SEC31A: variants seen among roughly 807,000 people sequenced by gnomAD.
SEC31A encodes the protein protein transport protein Sec31A.
SEC31A carries 70 observed loss-of-function variants against 151.0 expected under a neutral mutation model. That is an observed-to-expected ratio of 0.46 (90% CI 0.38 to 0.57). The LOEUF is 0.57. Ranked by LOEUF, SEC31A falls within the 20% of genes least tolerant of loss-of-function variation. The pLI, the probability that SEC31A is intolerant of heterozygous loss-of-function variation, is 0.00. For missense variants in SEC31A, 1,330 were observed against 1,471.2 expected, an observed-to-expected ratio of 0.90 and a Z score of 1.57; for synonymous variants, 475 against 505.9, an observed-to-expected ratio of 0.94 and a Z score of 0.82.
chr4:82,860,476 T>C (rs1030597359), intron 14 of SEC31A, among the ~76,000 whole-genome samples: 4 of 152,040 alleles, frequency 2.6e-5, no homozygotes, highest in Admixed American at 6.6e-5. Context: ...TCAAAATTAG[T>C]TCTTTTCTTT....
rs1012061457 is a variant in SEC31A at position 82,866,891 on chromosome 4, G to C, written c.1114C>G (p.Gln372Glu). The part of the protein sequence containing the change: ...GQPLPPLQIP[Q>E]QTAQHSIVLP... ...ACTATACTATGCTGAGCAGTCTGCT[G>C]TGGAATTTGTAACGGAGGAAGGGGC... Residue 372 changes from glutamine to glutamate, a missense_variant, in exon 10 of 27, where the codon CAG (glutamine) becomes GAG (glutamate). Transcript: ENST00000395310. 11 of 1,614,050 alleles carry C rather than the reference G, an allele frequency of 6.8e-6. No homozygotes were observed. The African/African-American group carries it at 1.3e-4, about 20-fold the overall frequency.
chr4:82,883,673 A>G (rs1739898750), intron 1 of SEC31A, among the ~76,000 whole-genome samples: 1 of 152,056 alleles, frequency 6.6e-6, no homozygotes, highest in African/African-American at 2.4e-5. Context: ...TAGAAAAAAT[A>G]CAAAAATTAG....
At chr4:82,848,178 A>AT (rs1730651186) in intron 20 of SEC31A, among the ~76,000 whole-genome samples, 1 of 152,040 alleles carries the variant, frequency 6.6e-6, no homozygotes, top group African/African-American at 2.4e-5. Flanking sequence ...AACAGTAAAA[A>AT]ATAGTAAGAA....
intron 6 of SEC31A, among the ~76,000 whole-genome samples, chr4:82,874,141 T>C (rs967916821): frequency 4.0e-5 from 6 of 151,746 alleles, no homozygotes; most frequent in African/African-American, 1.5e-4. Context: ...CTACCAAAAA[T>C]ACAAAAATTA....
chr4:82,851,738 G>C, intron 18 of SEC31A, 134 bp from the exon 19 acceptor site: 1 of 691,400 alleles, frequency 1.4e-6, no homozygotes, highest in Non-Finnish European at 2.4e-6. Context: ...TCCTAGAAAA[G>C]TACAGCCACT....
At chr4:82,861,111 T>A (rs10015307) in intron 14 of SEC31A, among the ~76,000 whole-genome samples, 68,128 of 150,788 alleles carry the variant, frequency 0.45, 17,983 homozygotes, top group Admixed American at 0.6. Context: ...GAAAAATTAA[T>A]GATGTAACTC....
At position 82,847,708 on chromosome 4, in the gene SEC31A, C is replaced by T. The variant is rs564294590; in HGVS notation, c.2502+1096G>A. Among the ~76,000 whole-genome samples the T allele has an allele frequency of 1.2e-4, 19 of 152,296 alleles. No individual in the cohort carries two copies. The South Asian group carries it at 3.7e-3, about 30-fold the overall frequency. ...CATCTGTTCTGCCCTACCTATGTCA[C>T]AGACTAAGTCTAGTGCAATCTCCAT... On this transcript the variant is annotated intron_variant, in intron 20 of 26. Coordinates refer to ENST00000395310, the MANE Select transcript of SEC31A (RefSeq NM_001077207.4).
At chr4:82,863,075 C>T (rs1231799784) in intron 12 of SEC31A, 1 of 413,418 alleles carries the variant, frequency 2.4e-6, no homozygotes, top group Non-Finnish European at 4.2e-6. Context: ...CTAGCCATTT[C>T]CAAAGAATGA....
chr4:82,837,200 A>ATATATATAC (rs139700046), intron 22 of SEC31A, among the ~76,000 whole-genome samples: 1 of 7,202 alleles, frequency 1.4e-4, no homozygotes, highest in African/African-American at 2.0e-4. Context: ...TATATATATA[A>ATATATATAC]TTTCACCACA....
intron 3 of SEC31A, chr4:82,897,929 C>T (rs1230169427): frequency 6.6e-6 from 1 of 152,172 alleles, no homozygotes; most frequent in Middle Eastern, 3.2e-3. Context: ...TCCTCCATTT[C>T]CAACTCACTG....
At chr4:82,887,840 C>T (rs1741095928) in intron 1 of SEC31A, among the ~76,000 whole-genome samples, 1 of 151,724 alleles carries the variant, frequency 6.6e-6, no homozygotes, top group African/African-American at 2.4e-5. Flanking sequence ...GGGCGGATCA[C>T]GAGGTCAGGA....
intron 22 of SEC31A, among the ~76,000 whole-genome samples, chr4:82,835,131 G>T (rs1726906762): frequency 6.6e-6 from 1 of 152,174 alleles, no homozygotes; most frequent in Non-Finnish European, 1.5e-5. Flanking sequence ...ACAGGTATGA[G>T]CCACAACTCC....
Position 82,827,628 on chromosome 4 carries a change from G to A in SEC31A, c.3032C>T (p.Pro1011Leu). 1 of 1,613,180 alleles carries A rather than the reference G, an allele frequency of 6.2e-7. No individual in the cohort carries two copies. Among genetic ancestry groups the A allele is most frequent in the Non-Finnish European group, 8.5e-7 (1 of 1,179,304 alleles). ...GGGAACAGGAGGCATGAAGTTTTCA[G>A]GCATCTGTTAAAAGATGGAAATAAA... is the stretch of plus-strand genomic sequence containing the variant. Reference protein sequence around the residue: ...LNRVPKKKKMPENFMPPVPIT... With the variant: ...LNRVPKKKKMLENFMPPVPIT... The change falls in exon 24 of 27, where the codon CCT becomes CTT. Residue 1011 changes from proline (P) to leucine (L), a missense_variant. Transcript: ENST00000395310.
intron 17 of SEC31A, among the ~76,000 whole-genome samples, chr4:82,854,661 G>A (rs957356655): frequency 1.3e-5 from 2 of 149,972 alleles, no homozygotes; most frequent in Non-Finnish European, 2.9e-5. Flanking sequence ...CTAAGTAGCA[G>A]AGGCAAGATT....
At chr4:82,900,567 T>G, upstream of SEC31A, 1 of 550,732 alleles carries the variant, frequency 1.8e-6, no homozygotes, top group Admixed American at 3.4e-5. Flanking sequence ...AGCGGTCAAA[T>G]GCACGTCTTC....
intron 1 of SEC31A, among the ~76,000 whole-genome samples, chr4:82,886,645 C>T (rs1454011372): frequency 6.6e-6 from 1 of 152,148 alleles, no homozygotes; most frequent in African/African-American, 2.4e-5. Flanking sequence ...AACTGTCTCA[C>T]CTGATCTTTA....
intron 18 of SEC31A, among the ~76,000 whole-genome samples, 161 bp downstream of exon 18, chr4:82,853,409 C>A (rs916357414): frequency 2.6e-5 from 4 of 152,234 alleles, no homozygotes; most frequent in Non-Finnish European, 5.9e-5. Context: ...CCTATCATCT[C>A]AAACTTTGCT....
In SEC31A at chr4:82,889,227, C is replaced by T. The variant is rs531272052; in HGVS notation, c.-5+1861G>A. ...AGCTGAAATTAACCTAATGACATTC[C>T]TAACAACAATGTAATCAATGTAAAT... On this transcript the variant is annotated intron_variant, in intron 1 of 26. Coordinates refer to ENST00000395310, the MANE Select transcript of SEC31A (RefSeq NM_001077207.4). Among the ~76,000 whole-genome samples, 38 of 152,226 alleles carry T rather than the reference C, an allele frequency of 2.5e-4. No homozygotes were observed. In the South Asian group the frequency reaches 7.9e-3, roughly 32 times the overall value.
At chr4:82,824,749 A>G in intron 24 of SEC31A, 75 bp from the exon 25 acceptor site, 3 of 1,523,592 alleles carry the variant, frequency 2.0e-6, no homozygotes, top group Non-Finnish European at 2.6e-6. Context: ...AATCTATGTG[A>G]TAAACAGAAA....
Sources: gnomAD v4.1 joint callset for allele counts (sites outside exome capture counted in the v4.1 genomes callset) on GRCh38, gnomAD v4.1.1 for gene constraint, MANE v1.5 for transcripts, NCBI Gene and HGNC (gene_info 2026-07-23, HGNC 2026-07-21) for gene names.